Variants in COBLL1 observed in about 807,000 individuals in gnomAD.
COBLL1 encodes the protein cordon-bleu protein-like 1.
In COBLL1, 50 loss-of-function variants were observed where a neutral mutation model predicts 94.8. The ratio of observed to expected loss-of-function variants is 0.53; its 90% confidence interval spans 0.42 to 0.67. COBLL1 has a LOEUF of 0.67. Ranked by LOEUF, COBLL1 falls within the 30% of genes least tolerant of loss-of-function variation. The probability of loss-of-function intolerance (pLI) is 0.00; values close to 1 mark genes in which losing one functional copy is unlikely to be tolerated. For missense variants in COBLL1, 1,362 were observed against 1,348.7 expected (o/e 1.01, Z -0.15); for synonymous variants, 448 against 473.8 (o/e 0.95, Z 0.71).
chr2:164,686,199 T>C (rs1191773044), intron 13 of COBLL1, among the ~76,000 whole-genome samples, 167 bp from the exon 14 acceptor site: 1 of 152,186 alleles, frequency 6.6e-6, no homozygotes, highest in Non-Finnish European at 1.5e-5. Context: ...TACCATAAAA[T>C]TTAAAAAGAG....
chr2:164,658,209 T>C (rs1302597718), intron 2 of COBLL1, among the ~76,000 whole-genome samples: 4 of 152,142 alleles, frequency 2.6e-5, no homozygotes, highest in African/African-American at 9.7e-5. Context: ...TTAGGGATTC[T>C]TAGTCGGCCT....
At chr2:164,708,500 C>T (rs1574449357) in intron 7 of COBLL1, among the ~76,000 whole-genome samples, 1 of 152,178 alleles carries the variant, frequency 6.6e-6, no homozygotes, top group Non-Finnish European at 1.5e-5. Flanking sequence ...AAATAGAAAT[C>T]TTTCTACTGA....
intron 3 of COBLL1, among the ~76,000 whole-genome samples, chr2:164,730,452 C>T (rs1467992128): frequency 1.3e-5 from 2 of 151,858 alleles, no homozygotes; most frequent in Non-Finnish European, 2.9e-5. Flanking sequence ...GAGCCGAGAT[C>T]GCGCCACTGC....
intron 2 of COBLL1, among the ~76,000 whole-genome samples, chr2:164,789,581 A>G (rs1206966322): frequency 1.3e-5 from 2 of 152,186 alleles, no homozygotes; most frequent in Non-Finnish European, 2.9e-5. Context: ...GGGGGAGCTC[A>G]GAGGGTATGT....
Position 164,729,990 on chromosome 2 carries a change from C to A in COBLL1, c.356G>T (p.Gly119Val). The A allele has an allele frequency of 1.9e-6, 3 of 1,613,990 alleles. No homozygotes were observed. Among genetic ancestry groups the A allele is most frequent in the Non-Finnish European group, 2.5e-6 (3 of 1,179,976 alleles). Residue 119 changes from glycine (G) to valine (V), a missense_variant, in exon 4 of 14, where the codon GGA becomes GTA. Gly to Val is a moderately radical substitution (Grantham distance 109, BLOSUM62 -3). Coordinates refer to ENST00000652658, the MANE Select transcript of COBLL1 (RefSeq NM_001365672.2). ...HIKFKPNTPI[G>V]MLEVEKVILK... The stretch of plus-strand genomic sequence containing the variant: ...AATTACCTTCTCTACCTCCAACATT[C>A]CTATTGGTGTGTTTGGCTTAAATTT...
At chr2:164,758,137 C>T (rs1042188791) in intron 2 of COBLL1, among the ~76,000 whole-genome samples, 13 of 152,148 alleles carry the variant, frequency 8.5e-5, no homozygotes, top group African/African-American at 3.1e-4. Context: ...ATTTACTGGG[C>T]ACCCACTGTG....
At chr2:164,687,423 G>A (rs773834269) in intron 13 of COBLL1, 23 of 1,006,376 alleles carry the variant, frequency 2.3e-5, no homozygotes, top group Non-Finnish European at 3.6e-5. Context: ...ATTTCTTTGA[G>A]AAGTGGATCG....
rs377720017 is a variant in COBLL1, at chr2:164,748,726, T to C, written c.42-4851A>G. 2.1e-4 allele frequency among the ~76,000 whole-genome samples: 32 copies of C among 152,102 alleles called. No individual in the cohort carries two copies. In the South Asian group the frequency reaches 6.4e-3, roughly 31 times the overall value. ...ACAGTAAACAACAGCAAATTTCACA[T>C]AAGGGTAGGTGGAGAGGAGGTTATA... On this transcript the variant is annotated intron_variant, in intron 2 of 13. Coordinates refer to ENST00000652658, the MANE Select transcript of COBLL1 (RefSeq NM_001365672.2).
At chr2:164,661,330 G>A (rs563216026) in intron 2 of COBLL1, among the ~76,000 whole-genome samples, 1 of 152,178 alleles carries the variant, frequency 6.6e-6, no homozygotes, top group South Asian at 2.1e-4. Context: ...ACAGGAAAAT[G>A]AATCCTTGAA....
chr2:164,721,472 T>C (rs1257034351), intron 7 of COBLL1, among the ~76,000 whole-genome samples: 1 of 152,218 alleles, frequency 6.6e-6, no homozygotes, highest in Non-Finnish European at 1.5e-5. Flanking sequence ...AGGTGTGTAA[T>C]AGTAAGAAAC....
intron 9 of COBLL1, among the ~76,000 whole-genome samples, chr2:164,702,169 G>A (rs1684315262): frequency 6.6e-6 from 1 of 152,008 alleles, no homozygotes; most frequent in South Asian, 2.1e-4. Context: ...ATATTCAAAT[G>A]TACATATTTT....
chr2:164,805,342 T>TATAAATATATATATATATATAA (rs1559033698), intron 2 of COBLL1, among the ~76,000 whole-genome samples: 2 of 87,660 alleles, frequency 2.3e-5, no homozygotes, highest in African/African-American at 9.4e-5. Flanking sequence ...TCTCTCTATA[T>TATAAATATATATATATATATAA]ATATATATAT....
intron 3 of COBLL1, among the ~76,000 whole-genome samples, chr2:164,737,752 TTTATC>T (rs1177192366): frequency 1.3e-5 from 2 of 152,152 alleles, no homozygotes; most frequent in Admixed American, 6.5e-5. Context: ...CACCGATCCC[TTTATC>T]TTGTCATTTT....
At chr2:164,742,130 G>A (rs1476172065) in intron 3 of COBLL1, among the ~76,000 whole-genome samples, 2 of 151,932 alleles carry the variant, frequency 1.3e-5, no homozygotes, top group Admixed American at 6.6e-5. Context: ...TAACTATGAC[G>A]GGTGACAGGA....
At chr2:164,753,587 G>A (rs1039190630) in intron 2 of COBLL1, among the ~76,000 whole-genome samples, 5 of 151,262 alleles carry the variant, frequency 3.3e-5, no homozygotes, top group South Asian at 2.1e-4. Flanking sequence ...CCAATATGGC[G>A]GCCATGTAGC....
intron 13 of COBLL1, chr2:164,687,323 A>G (rs1683350888): frequency 1.5e-5 from 10 of 658,790 alleles, no homozygotes; most frequent in Non-Finnish European, 2.5e-5. Context: ...CAGGGCCACA[A>G]CTGGGGATGT....
chr2:164,808,529 C>A (rs182198450), intron 2 of COBLL1, among the ~76,000 whole-genome samples: 46 of 152,278 alleles, frequency 3.0e-4, no homozygotes, highest in Admixed American at 2.0e-3. Flanking sequence ...CAAATAGCTA[C>A]ATGTTAGGAT....
At chr2:164,676,269 C>A (rs137937057), downstream of COBLL1, among the ~76,000 whole-genome samples, 489 of 152,162 alleles carry the variant, frequency 3.2e-3, 5 homozygotes, top group African/African-American at 0.011. Context: ...TAATGGTACT[C>A]CTTTCACTAA....
chr2:164,820,669 AACAC>A (rs2105361177), intron 2 of COBLL1, among the ~76,000 whole-genome samples: 1 of 152,334 alleles, frequency 6.6e-6, no homozygotes, highest in African/African-American at 2.4e-5. Flanking sequence ...TTTATCAGAA[AACAC>A]ACAAGTTCAA....
Sources: allele counts gnomAD v4.1 joint callset (sites outside exome capture counted in the v4.1 genomes callset), GRCh38; gene constraint gnomAD v4.1.1; transcripts MANE v1.5; gene names NCBI Gene and HGNC (gene_info 2026-07-23, HGNC 2026-07-21).